The following WWOX variants were observed in gnomAD, a reference collection of about 807,000 sequenced individuals.
WWOX encodes the protein WW domain-containing oxidoreductase.
A neutral mutation model predicts 46.2 loss-of-function variants in WWOX; 69 were observed. That is an observed-to-expected ratio of 1.49 (90% confidence interval 1.23 to 1.82). WWOX has a LOEUF of 1.82. Among genes scored for constraint, WWOX ranks in the 40% most tolerant of loss-of-function variants. The pLI, the probability that WWOX is intolerant of heterozygous loss-of-function variation, is 0.00. For synonymous variants in WWOX, 359 were observed against 202.6 expected, an observed-to-expected ratio of 1.77 and a Z score of -6.56; for missense variants, 919 against 542.6, an observed-to-expected ratio of 1.69 and a Z score of -6.89.
At chr16:79,201,413 G>A (rs1226777893) in intron 8 of WWOX, among the ~76,000 whole-genome samples, 1 of 150,940 alleles carries the variant, frequency 6.6e-6, no homozygotes, top group Middle Eastern at 3.4e-3. Context: ...TGCTTTGCAA[G>A]AGAGTTGGAT....
intron 5 of WWOX, among the ~76,000 whole-genome samples, chr16:78,180,571 A>C (rs1395275513): frequency 4.0e-5 from 6 of 151,728 alleles, no homozygotes; most frequent in Non-Finnish European, 7.4e-5. Flanking sequence ...GCTGCACCTG[A>C]GAGTAGGGGT....
chr16:79,107,243 A>G (rs2049329337), intron 8 of WWOX, among the ~76,000 whole-genome samples: 1 of 151,418 alleles, frequency 6.6e-6, no homozygotes, highest in Non-Finnish European at 1.5e-5. Context: ...GCCCAGCCCA[A>G]AATGACTTTT....
chr16:78,290,058 T>C (rs903977367), intron 5 of WWOX, among the ~76,000 whole-genome samples: 2 of 152,208 alleles, frequency 1.3e-5, no homozygotes, highest in South Asian at 2.1e-4. Context: ...ACACACACTT[T>C]TAAGCATTTT....
At chr16:78,256,952 G>C (rs1327026493) in intron 5 of WWOX, among the ~76,000 whole-genome samples, 2 of 152,076 alleles carry the variant, frequency 1.3e-5, no homozygotes, top group African/African-American at 4.8e-5. Flanking sequence ...CAAAGAGTCA[G>C]ACAGGTCTAG....
At chr16:78,854,977 T>G (rs2052533998) in intron 8 of WWOX, among the ~76,000 whole-genome samples, 1 of 151,950 alleles carries the variant, frequency 6.6e-6, no homozygotes, top group Admixed American at 6.6e-5. Flanking sequence ...AGTAATGGCT[T>G]CTCAAATTTA....
Position 78,199,083 on chromosome 16 carries a change from G to T in WWOX, c.516+34794G>T, listed in dbSNP as rs1347877606. Among the ~76,000 whole-genome samples the T allele has an allele frequency of 2.0e-5, 3 of 152,136 alleles. No homozygotes were observed. The East Asian group carries it at 5.8e-4, about 29-fold the overall frequency. On this transcript the variant is annotated intron_variant, in intron 5 of 8. Coordinates refer to ENST00000566780, the MANE Select transcript of WWOX (RefSeq NM_016373.4). ...ATGCATCCCACTTTGGGAGGCTGAG[G>T]TGGATGGATCACCAGGTCAGGAGAT...
intron 5 of WWOX, among the ~76,000 whole-genome samples, chr16:78,227,380 C>T (rs572357441): frequency 2.6e-5 from 4 of 152,216 alleles, no homozygotes; most frequent in Non-Finnish European, 5.9e-5. Context: ...GGATGTAGTT[C>T]CTTTCCATTG....
intron 8 of WWOX, among the ~76,000 whole-genome samples, chr16:79,022,852 G>A (rs955682912): frequency 2.6e-5 from 4 of 152,200 alleles, no homozygotes; most frequent in Non-Finnish European, 5.9e-5. Flanking sequence ...TAGAGTCTGT[G>A]CTTTGCACTT....
intron 8 of WWOX, among the ~76,000 whole-genome samples, chr16:79,124,268 C>T (rs1372112465): frequency 2.6e-5 from 4 of 152,014 alleles, no homozygotes; most frequent in Non-Finnish European, 4.4e-5. Context: ...GAGCGCTCGG[C>T]AAATGGTCTT....
intron 8 of WWOX, among the ~76,000 whole-genome samples, chr16:78,532,475 G>T (rs1361077989): frequency 1.3e-5 from 2 of 152,092 alleles, no homozygotes; most frequent in Non-Finnish European, 2.9e-5. Flanking sequence ...TTTTTTTAAG[G>T]ATTGATACTA....
At chr16:79,078,241 C>G (rs1171620497) in intron 8 of WWOX, 1 of 152,168 alleles carries the variant, frequency 6.6e-6, no homozygotes, top group African/African-American at 2.4e-5. Context: ...GTCTTGCTCC[C>G]TCCCTGACCT....
intron 8 of WWOX, chr16:79,204,655 G>GAC (rs2051449116): frequency 2.0e-5 from 3 of 152,316 alleles, no homozygotes; most frequent in East Asian, 3.9e-4. Flanking sequence ...CACAGGCCCT[G>GAC]AGAGCGTACC....
chr16:79,064,252 T>G (rs1268983734), intron 8 of WWOX, among the ~76,000 whole-genome samples: 2 of 152,144 alleles, frequency 1.3e-5, no homozygotes, highest in Admixed American at 6.5e-5. Flanking sequence ...GCAAAGAAAA[T>G]ACAAACCCAT....
chr16:78,773,769 G>T (rs1449859168), intron 8 of WWOX, among the ~76,000 whole-genome samples: 3 of 152,182 alleles, frequency 2.0e-5, no homozygotes, highest in African/African-American at 7.2e-5. Flanking sequence ...ACAAAGAGAA[G>T]CAAAAACAAG....
At position 79,109,206 on chromosome 16, in the gene WWOX, G is replaced by A. The variant is rs576872779; in HGVS notation, c.1057-102402G>A. ...TGTGTAAACTGTACTAAGCCGAAAC[G>A]TATTCCTTTGTCCCTTTTGCCGCTG... is the stretch of plus-strand genomic sequence containing the variant. On this transcript the variant is annotated intron_variant, in intron 8 of 8. Coordinates refer to ENST00000566780, the MANE Select transcript of WWOX (RefSeq NM_016373.4). 6.4e-4 allele frequency among the ~76,000 whole-genome samples: 98 copies of A among 152,262 alleles called. 1 individual carries two copies. The South Asian group carries it at 0.02, about 31-fold the overall frequency.
intron 8 of WWOX, among the ~76,000 whole-genome samples, chr16:78,774,496 TTGTGTGTGTGTG>T (rs58003207): frequency 0.041 from 6,193 of 149,494 alleles, 179 homozygotes; most frequent in Non-Finnish European, 0.049. Flanking sequence ...CAGACCCATT[TTGTGTGTGTGTG>T]TGTGTGTGTG....
chr16:78,995,919 C>T (rs112035087), intron 8 of WWOX, among the ~76,000 whole-genome samples: 10 of 152,226 alleles, frequency 6.6e-5, no homozygotes, highest in African/African-American at 2.4e-4. Flanking sequence ...TGCGTTTATA[C>T]CTCTGTGACA....
chr16:78,424,190 T>G (rs1373822914), intron 6 of WWOX, among the ~76,000 whole-genome samples: 2 of 146,952 alleles, frequency 1.4e-5, no homozygotes, highest in Non-Finnish European at 3.0e-5. Context: ...TGATCTTAGC[T>G]CACTGCAACC....
At chr16:78,637,063 T>G (rs929336883) in intron 8 of WWOX, among the ~76,000 whole-genome samples, 5 of 152,204 alleles carry the variant, frequency 3.3e-5, no homozygotes, top group African/African-American at 1.2e-4. Context: ...CACCAAGGAA[T>G]GTGGACTAAT....
Sources: allele counts gnomAD v4.1 joint callset (sites outside exome capture counted in the v4.1 genomes callset), GRCh38; gene constraint gnomAD v4.1.1; transcripts MANE v1.5; gene names NCBI Gene and HGNC (gene_info 2026-07-23, HGNC 2026-07-21).